The following SMC5 variants were observed in gnomAD, a reference collection of about 807,000 sequenced individuals.
SMC5 encodes structural maintenance of chromosomes protein 5.
A neutral mutation model predicts 148.3 loss-of-function variants in SMC5; 88 were observed. That is an observed-to-expected ratio of 0.59 (90% confidence interval 0.50 to 0.71). The LOEUF (loss-of-function observed/expected upper bound fraction) is 0.71. Ranked by LOEUF, SMC5 falls within the 30% of genes least tolerant of loss-of-function variation. The pLI, the probability that SMC5 is intolerant of heterozygous loss-of-function variation, is 0.00. For missense variants in SMC5, 1,142 were observed against 1,298.9 expected (o/e 0.88, Z 1.86); for synonymous variants, 421 against 432.8 (o/e 0.97, Z 0.34).
chr9:70,298,697 T>G (rs1019313815), intron 9 of SMC5, among the ~76,000 whole-genome samples: 1 of 151,806 alleles, frequency 6.6e-6, no homozygotes, highest in Non-Finnish European at 1.5e-5. Flanking sequence ...TAAAAAAATT[T>G]TATATGTTTA....
At chr9:70,287,829 TG>T (rs141055285) in intron 8 of SMC5, among the ~76,000 whole-genome samples, 2,516 of 152,300 alleles carry the variant, frequency 0.017, 43 homozygotes, top group South Asian at 0.07. Context: ...TAAGAATTTC[TG>T]GGGTTTTTGT....
At chr9:70,262,015 G>T (rs1004767787) in intron 1 of SMC5, among the ~76,000 whole-genome samples, 1 of 152,210 alleles carries the variant, frequency 6.6e-6, no homozygotes, top group South Asian at 2.1e-4. Context: ...AAGGTAGCTG[G>T]AAGTGCAGAG....
chr9:70,308,590 C>CAA lies in SMC5; in HGVS notation c.1578+3258_1578+3259dup, dbSNP rs59441324. Among the ~76,000 whole-genome samples the CAA allele has an allele frequency of 5.8e-4, 42 of 72,242 alleles. 2 individuals are homozygous for CAA. Among genetic ancestry groups the CAA allele is most frequent in the African/African-American group, 7.5e-4 (14 of 18,686 alleles). 47.4% of individuals were successfully genotyped at this position (72,242 alleles called of 152,430 possible). ...AGCCTGGGCGACAGAGACTCTGTCTCAAAAAAAAAAAAAAAAAAAAAAAAA... is the reference window on the plus strand; with the variant it reads ...AGCCTGGGCGACAGAGACTCTGTCTCAAAAAAAAAAAAAAAAAAAAAAAAAAA... On this transcript the variant is annotated intron_variant, in intron 11 of 24. Coordinates refer to ENST00000361138, the MANE Select transcript of SMC5 (RefSeq NM_015110.4).
At chr9:70,335,106 G>A (rs2036324821) in intron 17 of SMC5, among the ~76,000 whole-genome samples, 1 of 152,094 alleles carries the variant, frequency 6.6e-6, no homozygotes, top group South Asian at 2.1e-4. Flanking sequence ...GGAGTTTAAG[G>A]GCTAAACATA....
At chr9:70,313,238 A>G (rs2035704371) in intron 11 of SMC5, among the ~76,000 whole-genome samples, 1 of 152,018 alleles carries the variant, frequency 6.6e-6, no homozygotes. Context: ...CCATCAGTGA[A>G]TTTTTCATTT....
chr9:70,350,170 A>G lies in SMC5; in HGVS notation c.2946A>G (p.Gln982=), dbSNP rs541260749. ...RIRVKFRSST[Q]LHELTPHHQS... is the part of the protein sequence containing the mutation. ...GAGTCAAATTTCGAAGTAGTACTCA[A>G]CTGCATGAATTAACTCCTCATCATC... The change falls in exon 23 of 25, where the codon CAA becomes CAG. Residue 982 remains glutamine (Q), a synonymous_variant. Coordinates refer to ENST00000361138, the MANE Select transcript of SMC5 (RefSeq NM_015110.4). The G allele has an allele frequency of 1.9e-6, 3 of 1,613,374 alleles. No individual in the cohort carries two copies. Among genetic ancestry groups the G allele is most frequent in the South Asian group, 2.2e-5 (2 of 91,014 alleles).
intron 11 of SMC5, among the ~76,000 whole-genome samples, chr9:70,310,089 C>G (rs938936547): frequency 1.1e-4 from 16 of 152,210 alleles, no homozygotes; most frequent in African/African-American, 3.9e-4. Flanking sequence ...CTCAGGTGAT[C>G]TGCCCACCTC....
At chr9:70,329,942 C>T (rs749022961) in intron 17 of SMC5, among the ~76,000 whole-genome samples, 16 of 152,018 alleles carry the variant, frequency 1.1e-4, no homozygotes, top group Non-Finnish European at 1.6e-4. Flanking sequence ...CTTACCATGG[C>T]GGTGAGAGAG....
chr9:70,298,485 T>C (rs1365552594), intron 9 of SMC5, among the ~76,000 whole-genome samples: 1 of 152,130 alleles, frequency 6.6e-6, no homozygotes, highest in Middle Eastern at 3.2e-3. Context: ...TTATTTTCTT[T>C]ACAAAGTCAC....
intron 17 of SMC5, among the ~76,000 whole-genome samples, chr9:70,336,787 A>G (rs1414382567): frequency 6.6e-6 from 1 of 152,256 alleles, no homozygotes; most frequent in East Asian, 1.9e-4. Context: ...TCAGGCAGAT[A>G]CTATTAATAT....
At chr9:70,304,314 A>G (rs2035441207) in intron 10 of SMC5, among the ~76,000 whole-genome samples, 1 of 152,030 alleles carries the variant, frequency 6.6e-6, no homozygotes, top group Non-Finnish European at 1.5e-5. Context: ...TCTGGCTTCC[A>G]GTGTTATCCT....
At chr9:70,331,394 A>G (rs1395794685) in intron 17 of SMC5, among the ~76,000 whole-genome samples, 2 of 151,092 alleles carry the variant, frequency 1.3e-5, no homozygotes, top group African/African-American at 4.9e-5. Context: ...AAACAAATCA[A>G]CTACTTTTAA....
intron 17 of SMC5, among the ~76,000 whole-genome samples, chr9:70,328,324 A>T (rs1401893035): frequency 1.3e-5 from 2 of 152,168 alleles, no homozygotes; most frequent in African/African-American, 4.8e-5. Context: ...TCCACCTATG[A>T]ACCTGTAAAA....
chr9:70,337,450 G>GTTTTTTT (rs201218742), intron 17 of SMC5, among the ~76,000 whole-genome samples: 4 of 119,960 alleles, frequency 3.3e-5, no homozygotes, highest in African/African-American at 1.7e-4. Flanking sequence ...TTTGGGATTT[G>GTTTTTTT]TTTTTTTTTT....
At position 70,340,931 on chromosome 9, in the gene SMC5, G is replaced by C. The variant is rs143561280; in HGVS notation, c.2398-3213G>C. On this transcript the variant is annotated intron_variant, in intron 17 of 24. Transcript: ENST00000361138. ...ATATAACTACAAAGTAATCTTTTTT[G>C]AGATGTTAGTGGGGGATATTTTGTA... 4.6e-3 allele frequency among the ~76,000 whole-genome samples: 694 copies of C among 152,040 alleles called. 9 individuals are homozygous for C. Among genetic ancestry groups the C allele is most frequent in the African/African-American group, 0.016 (667 of 41,518 alleles).
chr9:70,332,918 C>T (rs138078603), intron 17 of SMC5, among the ~76,000 whole-genome samples: 287 of 152,100 alleles, frequency 1.9e-3, no homozygotes, highest in East Asian at 0.014. Context: ...AACTGGGAAT[C>T]GAAGGAGACT....
intron 11 of SMC5, chr9:70,311,722 T>G (rs2035663614): frequency 6.6e-6 from 1 of 152,078 alleles, no homozygotes; most frequent in Non-Finnish European, 1.5e-5. Context: ...AAAAATGTTT[T>G]TTAATGCAGT....
chr9:70,302,092 G>A (rs954858495), intron 10 of SMC5, among the ~76,000 whole-genome samples: 1 of 152,188 alleles, frequency 6.6e-6, no homozygotes, highest in Admixed American at 6.5e-5. Context: ...TTCCTTAAGG[G>A]TTGGGCACCA....
intron 1 of SMC5, among the ~76,000 whole-genome samples, chr9:70,261,569 AAGAG>A (rs1407566803): frequency 7.2e-5 from 11 of 152,230 alleles, no homozygotes; most frequent in African/African-American, 2.4e-4. Flanking sequence ...TGTGGCATCT[AAGAG>A]AGATGTTCTA....
Sources: gnomAD v4.1 joint callset for allele counts (sites outside exome capture counted in the v4.1 genomes callset) on GRCh38, gnomAD v4.1.1 for gene constraint, MANE v1.5 for transcripts, NCBI Gene and HGNC (gene_info 2026-07-23, HGNC 2026-07-21) for gene names.